MINAR1: variants seen among roughly 807,000 people sequenced by gnomAD.
The protein encoded by MINAR1 is major intrinsically disordered Notch2-binding receptor 1.
A neutral mutation model predicts 65.1 loss-of-function variants in MINAR1; 40 were observed. The observed-to-expected ratio is 0.61, with a 90% CI of 0.48 to 0.80. The LOEUF (loss-of-function observed/expected upper bound fraction) is 0.80, where lower values mean the gene tolerates loss of function less well. MINAR1 is among the 30% of genes least tolerant of loss of function. The pLI is 0.00. For synonymous variants in MINAR1, 482 were observed against 449.1 expected (o/e 1.07, Z -0.93); for missense variants, 1,128 against 1,148.0 (o/e 0.98, Z 0.25).
At chr15:79,428,275 CCT>C (rs1381524852), upstream of MINAR1, among the ~76,000 whole-genome samples, 2 of 35,760 alleles carry the variant, frequency 5.6e-5, no homozygotes, top group African/African-American at 8.8e-5. Context: ...CTTTCTTCTC[CCT>C]CTCTCCCTCC....
At chr15:79,459,365 T>G (rs1244562624) in intron 2 of MINAR1, among the ~76,000 whole-genome samples, 2 of 152,244 alleles carry the variant, frequency 1.3e-5, no homozygotes, top group Non-Finnish European at 1.5e-5. Flanking sequence ...AGAATCATTG[T>G]GCACACATAC....
In MINAR1 at chr15:79,458,440, A is replaced by G. The variant is rs919176133; in HGVS notation, c.2293A>G (p.Lys765Glu). ...GDNKDWHRKS[K>E]EADRQYDIPP... is the part of the protein sequence containing the mutation. ...TAATAAAGACTGGCATCGGAAATCT[A>G]AAGAGGTAATTTAAATTTAAGTTCA... The change falls in exon 2 of 4, where the codon AAA becomes GAA. Residue 765 changes from lysine to glutamate, a missense_variant. Transcript: ENST00000305428. The G allele has an allele frequency of 6.2e-7, 1 of 1,609,142 alleles. No individual in the cohort carries two copies. Among genetic ancestry groups the G allele is most frequent in the Non-Finnish European group, 8.5e-7 (1 of 1,177,110 alleles).
At chr15:79,459,989 G>A (rs139854702) in intron 2 of MINAR1, among the ~76,000 whole-genome samples, 3 of 152,194 alleles carry the variant, frequency 2.0e-5, no homozygotes, top group African/African-American at 4.8e-5. Context: ...GAACTCAAAT[G>A]GTTAGGTGCT....
At chr15:79,413,896 A>G in the MINAR1 span, 1 of 152,212 alleles carries the variant, frequency 6.6e-6, no homozygotes, top group Admixed American at 6.5e-5. Flanking sequence ...ATCACTGTGC[A>G]CTATGATGGA....
At chr15:79,432,072 C>A (rs1043921691), upstream of MINAR1, among the ~76,000 whole-genome samples, 34 of 152,060 alleles carry the variant, frequency 2.2e-4, 1 homozygote, top group African/African-American at 7.7e-4. Context: ...TCCCCAGCCG[C>A]GTTCCCGGCC....
At position 79,457,040 on chromosome 15, in the gene MINAR1, CCTT is replaced by C. The variant is rs1322427273; in HGVS notation, c.898_900del (p.Phe300del). ...AGTCGAAAGGAACCCCACAAGCCAC[CCTT>C]CTTCAACCACAGCTTTGAAATGCCC... On this transcript the variant is annotated inframe_deletion, in exon 2 of 4. Coordinates refer to ENST00000305428, the MANE Select transcript of MINAR1 (RefSeq NM_015206.3). 6.2e-6 allele frequency: 10 copies of C among 1,613,800 alleles called. No homozygotes were observed. Among genetic ancestry groups the C allele is most frequent in the Non-Finnish European group, 8.5e-6 (10 of 1,179,904 alleles).
rs1466114189 is a variant in MINAR1, at chr15:79,452,736, GTGTGT to G, written c.-50-3361_-50-3357del. Among the ~76,000 whole-genome samples, 14 of 75,120 alleles carry G rather than the reference GTGTGT, an allele frequency of 1.9e-4. No homozygotes were observed. In the East Asian group the frequency reaches 5.0e-3, roughly 27 times the overall value. The allele number at this position is 75,120 out of a possible 152,430, so 49.3% of individuals were successfully genotyped here. ...TGTGGGTGTGGGTGAGTCTGTGTGG[GTGTGT>G]GGGGGGGGTGTGTGGGTGAGTGAAG... is the stretch of plus-strand genomic sequence containing the variant. On this transcript the variant is annotated intron_variant, in intron 1 of 3. Transcript: ENST00000305428.
chr15:79,456,593 G>C lies in MINAR1; in HGVS notation c.446G>C (p.Gly149Ala). ...CTGAGTGAGAGGTCTTTCAGCCGGGGCTACCCCATCAGGCAGTCGTCCAAG... is the reference window on the plus strand; with the variant it reads ...CTGAGTGAGAGGTCTTTCAGCCGGGCCTACCCCATCAGGCAGTCGTCCAAG... ...CELSERSFSR[G>A]YPIRQSSKCR... Residue 149 changes from glycine to alanine, a missense_variant, in exon 2 of 4, where the codon GGC becomes GCC. Coordinates refer to ENST00000305428, the MANE Select transcript of MINAR1 (RefSeq NM_015206.3). 6.2e-7 allele frequency: 1 copy of C among 1,614,146 alleles called. No homozygotes were observed. The highest frequency in any genetic ancestry group is 8.5e-7 in the Non-Finnish European group (1 of 1,180,030).
At chr15:79,433,860 G>A (rs1053658191) in intron 1 of MINAR1, among the ~76,000 whole-genome samples, 8 of 152,152 alleles carry the variant, frequency 5.3e-5, no homozygotes, top group Non-Finnish European at 1.2e-4. Context: ...AGAGCCCGGC[G>A]GCAATATTTT....
At chr15:79,442,469 T>G (rs1459859822) in intron 1 of MINAR1, among the ~76,000 whole-genome samples, 2 of 152,130 alleles carry the variant, frequency 1.3e-5, no homozygotes, top group Non-Finnish European at 2.9e-5. Flanking sequence ...AACTTTGTAT[T>G]AAGTTTTCAT....
chr15:79,467,709 CTTTGA>C (rs1423516052), intron 3 of MINAR1, among the ~76,000 whole-genome samples: 3 of 152,132 alleles, frequency 2.0e-5, no homozygotes, highest in African/African-American at 7.2e-5. Flanking sequence ...TTGGAGGTTC[CTTTGA>C]TTTTTCAGTA....
At chr15:79,422,088 A>G in the MINAR1 span, 1 of 152,320 alleles carries the variant, frequency 6.6e-6, no homozygotes, top group Non-Finnish European at 1.5e-5. Flanking sequence ...CCCCATCCCC[A>G]GTGTCTCACC....
chr15:79,465,007 G>A (rs1253402926), intron 3 of MINAR1, among the ~76,000 whole-genome samples: 2 of 152,214 alleles, frequency 1.3e-5, no homozygotes, highest in Non-Finnish European at 2.9e-5. Flanking sequence ...TGCAGGGAGG[G>A]AGCTGGAAGA....
At chr15:79,453,982 T>C (rs948334311) in intron 1 of MINAR1, among the ~76,000 whole-genome samples, 11 of 152,180 alleles carry the variant, frequency 7.2e-5, no homozygotes, top group Non-Finnish European at 1.5e-4. Flanking sequence ...ATAAAATATA[T>C]GCATGAGTTG....
intron 1 of MINAR1, among the ~76,000 whole-genome samples, chr15:79,445,418 AT>A (rs1894986265): frequency 6.6e-6 from 1 of 152,214 alleles, no homozygotes; most frequent in Non-Finnish European, 1.5e-5. Context: ...AATTTGGGCA[AT>A]TTGGCTCCAG....
chr15:79,431,578 A>G (rs1894440751), upstream of MINAR1, among the ~76,000 whole-genome samples: 1 of 152,098 alleles, frequency 6.6e-6, no homozygotes, highest in Non-Finnish European at 1.5e-5. Context: ...ATCCCAATTA[A>G]GCCGACACCA....
intron 1 of MINAR1, among the ~76,000 whole-genome samples, chr15:79,454,059 T>C (rs1242964846): frequency 6.6e-6 from 1 of 152,196 alleles, no homozygotes; most frequent in Non-Finnish European, 1.5e-5. Context: ...TTCATTTACT[T>C]GAGACCCCTT....
intron 2 of MINAR1, among the ~76,000 whole-genome samples, chr15:79,460,878 T>C (rs1313871571): frequency 2.6e-5 from 4 of 152,218 alleles, no homozygotes; most frequent in African/African-American, 9.6e-5. Context: ...ATTCATTTGG[T>C]CACCCATTCA....
chr15:79,422,444 A>T, the MINAR1 span: 1 of 151,694 alleles, frequency 6.6e-6, no homozygotes, highest in South Asian at 2.1e-4. Flanking sequence ...GCTACTAGGG[A>T]GGTTGAGGCA....
Sources: gnomAD v4.1 joint callset for allele counts (sites outside exome capture counted in the v4.1 genomes callset) on GRCh38, gnomAD v4.1.1 for gene constraint, MANE v1.5 for transcripts, NCBI Gene and HGNC (gene_info 2026-07-23, HGNC 2026-07-21) for gene names.